Variants in DNAH3 observed in about 807,000 individuals in gnomAD.
DNAH3 encodes the protein dynein axonemal heavy chain 3.
In DNAH3, 332 loss-of-function variants were observed where a neutral mutation model predicts 432.5. That is an observed-to-expected ratio of 0.77 (90% confidence interval 0.70 to 0.84). The LOEUF (loss-of-function observed/expected upper bound fraction) is 0.84, where lower values mean the gene tolerates loss of function less well. Among genes scored for constraint, DNAH3 ranks in the 40% least tolerant of loss-of-function variants. The probability of loss-of-function intolerance (pLI) is 0.00; values close to 1 mark genes in which losing one functional copy is unlikely to be tolerated. For missense variants in DNAH3, 4,861 were observed against 5,114.0 expected (o/e 0.95, Z 1.51); for synonymous variants, 1,956 against 1,900.2 (o/e 1.03, Z -0.76).
intron 4 of DNAH3, 84 bp downstream of exon 5, chr16:21,141,216 A>C (rs2092714331): frequency 1.4e-5 from 13 of 909,414 alleles, no homozygotes; most frequent in South Asian, 3.2e-5. Flanking sequence ...TGAAGCCAAG[A>C]AGCAGAGTGT....
intron 1 of DNAH3, among the ~76,000 whole-genome samples, chr16:21,152,456 C>G (rs995891690): frequency 6.6e-6 from 1 of 152,236 alleles, no homozygotes; most frequent in East Asian, 1.9e-4. Flanking sequence ...AGCCCTCGCT[C>G]GCTCTCGGCG....
chr16:20,947,508 T>G (rs755076271), intron 57 of DNAH3, among the ~76,000 whole-genome samples: 1 of 152,138 alleles, frequency 6.6e-6, no homozygotes, highest in Non-Finnish European at 1.5e-5. Context: ...GTGACTGGTG[T>G]CTGGGTTGGG....
At chr16:20,954,933 G>A in exon 55 of DNAH3, 1 of 1,614,150 alleles carries the variant, frequency 6.2e-7, no homozygotes. Context: ...TCTGAGATGG[G>A]GTCATTGAGG....
chr16:21,042,745 T>C (rs146498327), intron 31 of DNAH3, among the ~76,000 whole-genome samples: 39 of 152,292 alleles, frequency 2.6e-4, no homozygotes, highest in South Asian at 2.3e-3. Flanking sequence ...TATATATACA[T>C]GTGCCATGCT....
At chr16:21,154,338 G>T (rs2092885119) in intron 1 of DNAH3, among the ~76,000 whole-genome samples, 1 of 152,136 alleles carries the variant, frequency 6.6e-6, no homozygotes, top group East Asian at 1.9e-4. Flanking sequence ...ACAGGAGGTG[G>T]AGGTTGCAGT....
intron 12 of DNAH3, among the ~76,000 whole-genome samples, chr16:21,116,494 G>C (rs557606697): frequency 6.6e-6 from 1 of 152,010 alleles, no homozygotes; most frequent in Admixed American, 6.6e-5. Flanking sequence ...TGCCACGACC[G>C]ACCGACCATA....
intron 14 of DNAH3, among the ~76,000 whole-genome samples, chr16:21,109,655 A>G (rs1386949291): frequency 6.6e-6 from 1 of 151,866 alleles, no homozygotes; most frequent in Non-Finnish European, 1.5e-5. Context: ...GCTGGAGTGC[A>G]GCGCCTCAAT....
At chr16:20,978,164 T>C (rs1166459690) in intron 50 of DNAH3, among the ~76,000 whole-genome samples, 1 of 152,206 alleles carries the variant, frequency 6.6e-6, no homozygotes, top group African/African-American at 2.4e-5. Context: ...CTGCACTGTG[T>C]CAGCTTACTT....
intron 18 of DNAH3, among the ~76,000 whole-genome samples, chr16:21,089,163 G>A (rs1212488426): frequency 6.6e-6 from 1 of 152,164 alleles, no homozygotes; most frequent in African/African-American, 2.4e-5. Flanking sequence ...TGGAGCGAGG[G>A]CTCAAGATTT....
intron 55 of DNAH3, among the ~76,000 whole-genome samples, chr16:20,954,138 G>A (rs527261895): frequency 8.0e-5 from 12 of 150,062 alleles, no homozygotes; most frequent in African/African-American, 1.7e-4. Flanking sequence ...TGGGAGGATC[G>A]CTTGAACCTG....
chr16:20,987,526 TGGGGTTGATTTG>T, intron 46 of DNAH3, 78 bp from the exon 47 acceptor site: 1 of 1,579,942 alleles, frequency 6.3e-7, no homozygotes, highest in South Asian at 1.1e-5. Flanking sequence ...AGGTAAGTCC[TGGGGTTGATTTG>T]AGGATTGAAC....
At chr16:20,950,527 C>A (rs1363747706) in intron 56 of DNAH3, among the ~76,000 whole-genome samples, 1 of 152,134 alleles carries the variant, frequency 6.6e-6, no homozygotes, top group Non-Finnish European at 1.5e-5. Context: ...GTCTTCCCAG[C>A]TGTAAAATGG....
intron 9 of DNAH3, among the ~76,000 whole-genome samples, chr16:21,123,707 A>G (rs2152814640): frequency 6.6e-6 from 1 of 152,332 alleles, no homozygotes; most frequent in Middle Eastern, 3.4e-3. Context: ...CATAAAATTC[A>G]AAAGAATATT....
At chr16:21,110,791 A>G (rs1171470507) in intron 14 of DNAH3, among the ~76,000 whole-genome samples, 2 of 152,146 alleles carry the variant, frequency 1.3e-5, no homozygotes, top group Non-Finnish European at 2.9e-5. Context: ...GGATCACTTG[A>G]GCCTGGGAGG....
chr16:21,153,830 A>G (rs1953130938), intron 1 of DNAH3, among the ~76,000 whole-genome samples: 2 of 152,184 alleles, frequency 1.3e-5, no homozygotes, highest in Admixed American at 1.3e-4. Flanking sequence ...TTCCAGACAC[A>G]ATAGAACCAA....
chr16:21,078,207 G>C (rs2091045141), intron 20 of DNAH3, among the ~76,000 whole-genome samples: 1 of 142,776 alleles, frequency 7.0e-6, no homozygotes, highest in African/African-American at 2.6e-5. Flanking sequence ...CCCGGGAGGT[G>C]AAGGTTGCAT....
chr16:21,039,127 T>C (rs925566855), intron 33 of DNAH3, among the ~76,000 whole-genome samples: 5 of 152,020 alleles, frequency 3.3e-5, no homozygotes, highest in Non-Finnish European at 5.9e-5. Context: ...GAATGAGATA[T>C]AACCTAGTTA....
chr16:21,030,364 T>C (rs1309378208), intron 37 of DNAH3, among the ~76,000 whole-genome samples: 1 of 151,958 alleles, frequency 6.6e-6, no homozygotes, highest in Non-Finnish European at 1.5e-5. Context: ...GCCCAAGCCA[T>C]GTGAAGTGGC....
chr16:21,087,760 A>G (rs1325514102), intron 18 of DNAH3, among the ~76,000 whole-genome samples: 5 of 151,994 alleles, frequency 3.3e-5, no homozygotes, highest in Non-Finnish European at 7.4e-5. Context: ...TTAGCCAGGC[A>G]TGGTGGCATG....
Sources: gnomAD v4.1 joint callset for allele counts (sites outside exome capture counted in the v4.1 genomes callset) on GRCh38, gnomAD v4.1.1 for gene constraint, MANE v1.5 for transcripts, NCBI Gene and HGNC (gene_info 2026-07-23, HGNC 2026-07-21) for gene names.